The following LPP variants were observed in gnomAD, a reference collection of about 807,000 sequenced individuals.
LPP encodes lipoma-preferred partner.
LPP carries 38 observed loss-of-function variants against 60.4 expected under a neutral mutation model. That is an observed-to-expected ratio of 0.63 (90% CI 0.49 to 0.83). The LOEUF (loss-of-function observed/expected upper bound fraction) is 0.83, where lower values mean the gene tolerates loss of function less well. Ranked by LOEUF, LPP falls within the 40% of genes least tolerant of loss-of-function variation. The pLI is 0.00. For synonymous variants in LPP, 328 were observed against 290.8 expected (o/e 1.13, Z -1.30); for missense variants, 902 against 783.6 (o/e 1.15, Z -1.80).
chr3:188,702,611 G>A (rs757690481), intron 7 of LPP, among the ~76,000 whole-genome samples: 9 of 152,028 alleles, frequency 5.9e-5, no homozygotes, highest in East Asian at 1.9e-4. Context: ...CAATTTTGAC[G>A]GAGTCCTCTA....
intron 8 of LPP, among the ~76,000 whole-genome samples, chr3:188,746,796 A>G (rs958898501): frequency 6.6e-6 from 1 of 152,176 alleles, no homozygotes; most frequent in Non-Finnish European, 1.5e-5. Flanking sequence ...GTACAAGAGG[A>G]ATCACCCAGA....
intron 1 of LPP, chr3:188,179,212 C>T (rs1326399981): frequency 4.4e-6 from 2 of 456,698 alleles, no homozygotes; most frequent in Admixed American, 4.7e-5. Context: ...TTTGAATTTG[C>T]CACCGTGAAG....
chr3:188,173,875 C>A (rs917284018), intron 1 of LPP, among the ~76,000 whole-genome samples: 14 of 152,302 alleles, frequency 9.2e-5, no homozygotes, highest in Admixed American at 1.3e-4. Context: ...AATGAGTGAG[C>A]AACTATCGGG....
At chr3:188,758,222 G>A (rs902007123) in intron 8 of LPP, among the ~76,000 whole-genome samples, 18 of 152,174 alleles carry the variant, frequency 1.2e-4, no homozygotes, top group African/African-American at 3.4e-4. Flanking sequence ...GTGCAGTGGC[G>A]CCATCTCAGC....
At chr3:188,836,787 C>T (rs1238238202) in intron 9 of LPP, among the ~76,000 whole-genome samples, 1 of 152,168 alleles carries the variant, frequency 6.6e-6, no homozygotes, top group Non-Finnish European at 1.5e-5. Context: ...TCAGTATCTT[C>T]CCACAAATAA....
At chr3:188,671,290 A>C (rs1367133859) in intron 7 of LPP, among the ~76,000 whole-genome samples, 1 of 152,188 alleles carries the variant, frequency 6.6e-6, no homozygotes, top group Non-Finnish European at 1.5e-5. Context: ...GTAAGGAATA[A>C]ATTATTTTGG....
intron 8 of LPP, among the ~76,000 whole-genome samples, chr3:188,729,831 A>C (rs2150015978): frequency 6.6e-6 from 1 of 151,880 alleles, no homozygotes; most frequent in African/African-American, 2.4e-5. Context: ...TGAAAAAAAA[A>C]AAAAATGGAT....
In LPP at chr3:188,156,385, AG is replaced by A. The variant is rs371383004; in HGVS notation, c.-190+2137del. 5.3e-3 allele frequency among the ~76,000 whole-genome samples: 807 copies of A among 152,318 alleles called. 4 individuals carry two copies. Among genetic ancestry groups the A allele is most frequent in the African/African-American group, 0.018 (756 of 41,556 alleles). On this transcript the variant is annotated intron_variant, in intron 1 of 11. Transcript: ENST00000617246. ...GACGGGAGAGGAAACTTGGTTATAA[AG>A]GGGCTTAAAAATGCCAGGCTAAGGA...
intron 4 of LPP, among the ~76,000 whole-genome samples, chr3:188,448,984 C>T (rs1011807178): frequency 1.3e-5 from 2 of 152,064 alleles, no homozygotes; most frequent in African/African-American, 2.4e-5. Flanking sequence ...GAGGGCCTTT[C>T]GTAGTCAGAG....
chr3:188,624,510 G>C (rs929888408), intron 7 of LPP, among the ~76,000 whole-genome samples: 2 of 152,170 alleles, frequency 1.3e-5, no homozygotes, highest in Non-Finnish European at 1.5e-5. Context: ...TGCCAAGTGA[G>C]TGAGCCTAGT....
intron 7 of LPP, among the ~76,000 whole-genome samples, chr3:188,670,090 C>A (rs1279385160): frequency 6.6e-6 from 1 of 152,026 alleles, no homozygotes; most frequent in Admixed American, 6.6e-5. Flanking sequence ...ACTTCACACA[C>A]CAGGGCCTGT....
intron 1 of LPP, among the ~76,000 whole-genome samples, chr3:188,160,968 C>G (rs144147442): frequency 3.9e-5 from 6 of 152,294 alleles, no homozygotes; most frequent in Non-Finnish European, 8.8e-5. Flanking sequence ...TAGGAGTTTA[C>G]ATGGTGGATA....
At chr3:188,462,351 A>G (rs1799154602) in intron 4 of LPP, among the ~76,000 whole-genome samples, 1 of 151,440 alleles carries the variant, frequency 6.6e-6, no homozygotes, top group Admixed American at 6.6e-5. Flanking sequence ...TACTCAAAAT[A>G]TGATACTCTT....
At chr3:188,650,129 C>A (rs956549931) in intron 7 of LPP, among the ~76,000 whole-genome samples, 1 of 152,152 alleles carries the variant, frequency 6.6e-6, no homozygotes, top group African/African-American at 2.4e-5. Flanking sequence ...CTGTTATGCC[C>A]TCTATATGGC....
At chr3:188,218,939 G>T (rs1276972523) in intron 1 of LPP, among the ~76,000 whole-genome samples, 1 of 152,092 alleles carries the variant, frequency 6.6e-6, no homozygotes, top group East Asian at 1.9e-4. Context: ...AAGATGTAAT[G>T]ACTTGCCTGG....
At chr3:188,246,381 ATTTG>A (rs1369278288) in intron 2 of LPP, among the ~76,000 whole-genome samples, 1 of 152,098 alleles carries the variant, frequency 6.6e-6, no homozygotes, top group African/African-American at 2.4e-5. Context: ...TATCTCACTA[ATTTG>A]TTTGTGATTA....
At chr3:188,501,224 T>C (rs1351124721) in intron 5 of LPP, among the ~76,000 whole-genome samples, 2 of 152,212 alleles carry the variant, frequency 1.3e-5, no homozygotes, top group Non-Finnish European at 2.9e-5. Context: ...TTTTCACTGT[T>C]TCCCATACGT....
At chr3:188,267,292 G>A (rs1430865885) in intron 2 of LPP, among the ~76,000 whole-genome samples, 1 of 152,076 alleles carries the variant, frequency 6.6e-6, no homozygotes, top group African/African-American at 2.4e-5. Context: ...TCCTCTTTTG[G>A]TTGTTTCTTA....
At chr3:188,342,119 A>G (rs1763217999) in intron 3 of LPP, among the ~76,000 whole-genome samples, 1 of 152,186 alleles carries the variant, frequency 6.6e-6, no homozygotes, top group Admixed American at 6.5e-5. Context: ...ATTTTTGACT[A>G]CACTATACTG....
Sources: allele counts gnomAD v4.1 joint callset (sites outside exome capture counted in the v4.1 genomes callset), GRCh38; gene constraint gnomAD v4.1.1; transcripts MANE v1.5; gene names NCBI Gene and HGNC (gene_info 2026-07-23, HGNC 2026-07-21).